Variants in SIDT2 observed in about 807,000 individuals in gnomAD.
SIDT2 encodes the protein SID1 transmembrane family member 2.
Under a neutral mutation model 114.4 loss-of-function variants are expected in SIDT2, and 68 were observed. That is an observed-to-expected ratio of 0.59 (90% CI 0.49 to 0.73). The LOEUF (loss-of-function observed/expected upper bound fraction) is 0.73, where lower values mean the gene tolerates loss of function less well. Among genes scored for constraint, SIDT2 ranks in the 30% least tolerant of loss-of-function variants. SIDT2 has a pLI of 0.00. For synonymous variants in SIDT2, 470 were observed against 438.4 expected (o/e 1.07, Z -0.90); for missense variants, 918 against 1,097.1 (o/e 0.84, Z 2.31).
chr11:117,195,849 C>A lies in SIDT2; in HGVS notation c.2370C>A (p.Leu790=). ...SREHNRDCIL[L]DFFDDHDIWH... ...AGCACAACCGGGACTGCATCCTCCT[C>A]GACTTCTTTGACGACCACGACATCT... The change falls in exon 25 of 26, where the codon CTC becomes CTA. Residue 790 remains leucine, a synonymous_variant. Transcript: ENST00000324225. The A allele has an allele frequency of 6.2e-7, 1 of 1,614,214 alleles. No individual in the cohort carries two copies. The highest frequency in any genetic ancestry group is 8.5e-7 in the Non-Finnish European group (1 of 1,180,038).
chr11:117,192,938 G>A lies in SIDT2; in HGVS notation c.2105+72G>A. ...ACTCGGTCAGCCACTGGCTGCCTTGGGGGCTAAGGACAACTTCCAAATGTT... is the reference window on the plus strand; with the variant it reads ...ACTCGGTCAGCCACTGGCTGCCTTGAGGGCTAAGGACAACTTCCAAATGTT... On this transcript the variant is annotated intron_variant, in intron 22 of 25. Transcript: ENST00000324225. This position sits in a 1 kb window ranked among gnomAD's most constrained non-coding sequence, Gnocchi z 5.9. The A allele has an allele frequency of 6.3e-7, 1 of 1,589,780 alleles. No individual in the cohort carries two copies. Among genetic ancestry groups the A allele is most frequent in the South Asian group, 1.1e-5 (1 of 90,572 alleles).
chr11:117,195,289 C>T (rs908744132), intron 24 of SIDT2, among the ~76,000 whole-genome samples: 39 of 151,966 alleles, frequency 2.6e-4, no homozygotes, highest in Admixed American at 1.6e-3. Context: ...GTAGCACAGA[C>T]AGACACAGCC....
intron 15 of SIDT2, 68 bp from the exon 16 acceptor site, chr11:117,189,884 G>T: frequency 6.5e-7 from 1 of 1,531,220 alleles, no homozygotes; most frequent in South Asian, 1.1e-5. Context: ...AAAGGGGCCC[G>T]GATGGCGGGG....
In SIDT2 at chr11:117,196,287, A is replaced by C; in HGVS notation, c.*221A>C. 3.3e-6 allele frequency: 2 copies of C among 608,604 alleles called. No individual in the cohort carries two copies. Among genetic ancestry groups the C allele is most frequent in the Non-Finnish European group, 5.7e-6 (2 of 351,178 alleles). 37.7% of individuals were successfully genotyped at this position (608,604 alleles called of 1,614,324 possible). A position where few individuals can be genotyped will look rare whatever the true frequency, so the allele number is the denominator to read the frequency against. The stretch of plus-strand genomic sequence containing the variant: ...CGAGGAGCAGGCCTGCTCCCCTGGA[A>C]CCCCCAGATGTTGGCCAAATTGCTG... On this transcript the variant is annotated 3_prime_UTR_variant, in exon 26 of 26. Coordinates refer to ENST00000324225, the MANE Select transcript of SIDT2 (RefSeq NM_001040455.2). The surrounding 1 kb of genome is among the most constrained non-coding windows in gnomAD (Gnocchi z 4.9).
chr11:117,190,095 A>C lies in SIDT2; in HGVS notation c.1493+70A>C. ...ATGGGGCAGGGCCTGGGGCTTTGCA[A>C]TGCCCACGTGGGCTAGGGAAGAGGC... On this transcript the variant is annotated intron_variant, in intron 16 of 25. Coordinates refer to ENST00000324225, the MANE Select transcript of SIDT2 (RefSeq NM_001040455.2). The surrounding 1 kb of genome is among the most constrained non-coding windows in gnomAD (Gnocchi z 4.1). 6.2e-7 allele frequency: 1 copy of C among 1,613,560 alleles called. No individual in the cohort carries two copies. The highest frequency in any genetic ancestry group is 1.1e-5 in the South Asian group (1 of 91,044).
Position 117,196,202 on chromosome 11 carries a change from A to G in SIDT2, c.*136A>G. On this transcript the variant is annotated 3_prime_UTR_variant, in exon 26 of 26. Transcript: ENST00000324225. The surrounding 1 kb of genome is among the most constrained non-coding windows in gnomAD (Gnocchi z 4.9). ...GGATGGCAGCAGGACAGCCAGGTCT[A>G]GCTTAGGCTTGGCCTGGGACAGCCA... is the stretch of plus-strand genomic sequence containing the variant. The G allele has an allele frequency of 8.1e-7, 1 of 1,237,512 alleles. No individual in the cohort carries two copies. The highest frequency in any genetic ancestry group is 1.1e-6 in the Non-Finnish European group (1 of 886,532). The allele number at this position is 1,237,512 out of a possible 1,614,324, so 76.7% of individuals were successfully genotyped here. A position where few individuals can be genotyped will look rare whatever the true frequency, so the allele number is the denominator to read the frequency against.
At position 117,184,040 on chromosome 11, in the gene SIDT2, C is replaced by T. The variant is rs752707386; in HGVS notation, c.803-34C>T. 7 of 1,612,862 alleles carry T rather than the reference C, an allele frequency of 4.3e-6. No individual in the cohort carries two copies. In the Admixed American group the frequency reaches 1.0e-4, roughly 23 times the overall value. The stretch of plus-strand genomic sequence containing the variant: ...CCACTGACTCTAGCCAAGCTCCAGG[C>T]AACTAGTTTACCACTTTGACATTTT... On this transcript the variant is annotated intron_variant, in intron 7 of 25. Coordinates refer to ENST00000324225, the MANE Select transcript of SIDT2 (RefSeq NM_001040455.2).
chr11:117,195,833 G>A lies in SIDT2; in HGVS notation c.2354G>A (p.Arg785Gln), dbSNP rs749540505. ...KTPAESREHN[R>Q]DCILLDFFDD... is the part of the protein sequence containing the mutation. ...CCTGCAGAGTCGAGGGAGCACAACC[G>A]GGACTGCATCCTCCTCGACTTCTTT... Residue 785 changes from arginine to glutamine, a missense_variant, in exon 25 of 26, where the codon CGG becomes CAG. This residue lies in a region of SIDT2 where 275 missense variants were observed against 397.6 expected (regional missense o/e 0.69). Transcript: ENST00000324225. 5.6e-6 allele frequency: 9 copies of A among 1,614,082 alleles called. No homozygotes were observed. The highest frequency in any genetic ancestry group is 1.3e-5 in the African/African-American group (1 of 74,924).
rs1217277956 is a variant in SIDT2 at position 117,188,758 on chromosome 11, T to C, written c.1210T>C (p.Ser404Pro). 1 of 1,614,014 alleles carries C rather than the reference T, an allele frequency of 6.2e-7. No individual in the cohort carries two copies. The highest frequency in any genetic ancestry group is 1.1e-5 in the South Asian group (1 of 91,074). ...GTRPRVDSMS[S>P]VEEDDYDTLT... ...TCGGCCCCGAGTGGACTCCATGAGC[T>C]CTGTGGAGGAGGATGACTACGACAC... Residue 404 changes from serine (S) to proline (P), a missense_variant, in exon 13 of 26, where the codon TCT (serine) becomes CCT (proline). Ser to Pro is a moderately conservative substitution (Grantham distance 74). Coordinates refer to ENST00000324225, the MANE Select transcript of SIDT2 (RefSeq NM_001040455.2). This position sits in a 1 kb window ranked among gnomAD's most constrained non-coding sequence, Gnocchi z 4.0.
In SIDT2 at chr11:117,190,776, C is replaced by G; in HGVS notation, c.1735+36C>G. The G allele has an allele frequency of 6.6e-7, 1 of 1,522,268 alleles. No individual in the cohort carries two copies. The highest frequency in any genetic ancestry group is 1.1e-5 in the South Asian group (1 of 89,186). The allele number at this position is 1,522,268 out of a possible 1,614,324, so 94.3% of individuals were successfully genotyped here. On this transcript the variant is annotated intron_variant, in intron 18 of 25. Transcript: ENST00000324225. This position sits in a 1 kb window ranked among gnomAD's most constrained non-coding sequence, Gnocchi z 4.1. ...CGTCCTTCTTTTCTGGCTCAACCTACAGCAGGGACCTGCCTGAGTCCTTCA... is the reference window on the plus strand; with the variant it reads ...CGTCCTTCTTTTCTGGCTCAACCTAGAGCAGGGACCTGCCTGAGTCCTTCA...
intron 15 of SIDT2, 108 bp from the exon 16 acceptor site, chr11:117,189,844 T>C (rs2030636232): frequency 2.1e-6 from 2 of 965,000 alleles, no homozygotes; most frequent in Non-Finnish European, 3.3e-6. Flanking sequence ...TCCCACCTGC[T>C]AGCTGTGGTG....
intron 24 of SIDT2, 131 bp from the exon 25 acceptor site, chr11:117,195,671 G>C: frequency 1.2e-6 from 1 of 857,068 alleles, no homozygotes; most frequent in Non-Finnish European, 1.9e-6. Context: ...AAGGACAAGG[G>C]ACAGGTCAGA....
intron 11 of SIDT2, 31 bp downstream of exon 11, chr11:117,187,480 G>C (rs899100833): frequency 2.5e-5 from 40 of 1,612,046 alleles, no homozygotes; most frequent in Non-Finnish European, 3.3e-5. Flanking sequence ...CGTGCTTGCT[G>C]GGGACATGAC....
Position 117,195,796 on chromosome 11 carries a change from C to T in SIDT2, c.2323-6C>T, listed in dbSNP as rs952700074. On this transcript the variant is annotated splice_polypyrimidine_tract_variant and splice_region_variant and intron_variant, in intron 24 of 25. Coordinates refer to ENST00000324225, the MANE Select transcript of SIDT2 (RefSeq NM_001040455.2). ...CATTCGGCAGTTTTTCTTGTTGCTCCCCAAGAAAACCCCTGCAGAGTCGAG... is the reference window on the plus strand; with the variant it reads ...CATTCGGCAGTTTTTCTTGTTGCTCTCCAAGAAAACCCCTGCAGAGTCGAG... The T allele has an allele frequency of 2.5e-6, 4 of 1,613,990 alleles. No individual in the cohort carries two copies.
At position 117,188,664 on chromosome 11, in the gene SIDT2, T is replaced by C; in HGVS notation, c.1160-44T>C. 1 of 1,494,166 alleles carries C rather than the reference T, an allele frequency of 6.7e-7. No homozygotes were observed. The highest frequency in any genetic ancestry group is 9.3e-7 in the Non-Finnish European group (1 of 1,071,126). The allele number at this position is 1,494,166 out of a possible 1,614,324, so 92.6% of individuals were successfully genotyped here. A position where few individuals can be genotyped will look rare whatever the true frequency, so the allele number is the denominator to read the frequency against. The stretch of plus-strand genomic sequence containing the variant: ...TCAGATGGGCGAGGGCCACTGTGGG[T>C]TTTGTGTCCACCGGTGCAACCCCTC... On this transcript the variant is annotated intron_variant, in intron 12 of 25. Coordinates refer to ENST00000324225, the MANE Select transcript of SIDT2 (RefSeq NM_001040455.2). The surrounding 1 kb of genome is among the most constrained non-coding windows in gnomAD (Gnocchi z 4.0).
At chr11:117,195,744 C>G in intron 24 of SIDT2, 58 bp from the exon 25 acceptor site, 2 of 1,584,170 alleles carry the variant, frequency 1.3e-6, no homozygotes, top group Non-Finnish European at 8.7e-7. Context: ...GCAGATGGGT[C>G]TGGCCCTTGC....
In SIDT2 at chr11:117,192,373, G is replaced by T. The variant is rs766008203; in HGVS notation, c.1981+11G>T. On this transcript the variant is annotated intron_variant, in intron 20 of 25. Coordinates refer to ENST00000324225, the MANE Select transcript of SIDT2 (RefSeq NM_001040455.2). The surrounding 1 kb of genome is among the most constrained non-coding windows in gnomAD (Gnocchi z 5.9). ...GCCGGTGGAAACTGGGTAAGGGCACGCCCGGGGCAGGGCCTGGGGGAGGGG... is the reference window on the plus strand; with the variant it reads ...GCCGGTGGAAACTGGGTAAGGGCACTCCCGGGGCAGGGCCTGGGGGAGGGG... 2 of 1,545,288 alleles carry T rather than the reference G, an allele frequency of 1.3e-6. No individual in the cohort carries two copies. The highest frequency in any genetic ancestry group is 1.8e-6 in the Non-Finnish European group (2 of 1,118,750).
chr11:117,184,774 G>A lies in SIDT2; in HGVS notation c.868+635G>A, dbSNP rs557846580. Among the ~76,000 whole-genome samples, 158 of 152,284 alleles carry A rather than the reference G, an allele frequency of 1.0e-3. 1 individual carries two copies. Among genetic ancestry groups the A allele is most frequent in the African/African-American group, 3.7e-3 (153 of 41,550 alleles). On this transcript the variant is annotated intron_variant, in intron 8 of 25. Coordinates refer to ENST00000324225, the MANE Select transcript of SIDT2 (RefSeq NM_001040455.2). ...GGACTCTTGCTCTGTCACCCAGGCTGTAATGCAGTGGCAAGATCTCTACTC... is the reference window on the plus strand; with the variant it reads ...GGACTCTTGCTCTGTCACCCAGGCTATAATGCAGTGGCAAGATCTCTACTC...
At chr11:117,185,049 CTTTTTTT>C (rs34444006) in intron 8 of SIDT2, among the ~76,000 whole-genome samples, 1 of 135,528 alleles carries the variant, frequency 7.4e-6, no homozygotes, top group Non-Finnish European at 1.6e-5. Flanking sequence ...CTCTCTCTCT[CTTTTTTT>C]TTTTTTTTTC....
Sources: allele counts gnomAD v4.1 joint callset (sites outside exome capture counted in the v4.1 genomes callset), GRCh38; gene constraint gnomAD v4.1.1; regional missense constraint gnomAD v4.1.1; non-coding constraint Gnocchi (gnomAD v3.1); transcripts MANE v1.5; gene names NCBI Gene and HGNC (gene_info 2026-07-23, HGNC 2026-07-21).